The following RAP1A variants were observed in gnomAD, a reference collection of about 807,000 sequenced individuals.
RAP1A encodes the protein RAP1A, member of RAS oncogene family.
A neutral mutation model predicts 26.4 loss-of-function variants in RAP1A; 6 were observed. The ratio of observed to expected loss-of-function variants is 0.23; its 90% CI spans 0.12 to 0.45. RAP1A has a LOEUF of 0.45. RAP1A is among the 20% of genes least tolerant of loss of function. The pLI is 0.99. For synonymous variants in RAP1A, 73 were observed against 79.4 expected (o/e 0.92, Z 0.43); for missense variants, 121 against 217.2 (o/e 0.56, Z 2.78).
intron 4 of RAP1A, among the ~76,000 whole-genome samples, chr1:111,700,454 C>T (rs760390782): frequency 1.1e-4 from 16 of 152,046 alleles, no homozygotes; most frequent in Admixed American, 7.2e-4. Context: ...CCAGATCTCA[C>T]GAGAACTCAT....
At chr1:111,576,043 C>T (rs1341922283) in intron 1 of RAP1A, among the ~76,000 whole-genome samples, 1 of 152,228 alleles carries the variant, frequency 6.6e-6, no homozygotes, top group Non-Finnish European at 1.5e-5. Context: ...GCCCTGCATA[C>T]TATTCTCTGC....
Position 111,584,906 on chromosome 1 carries a change from C to T in RAP1A, c.-28+42397C>T, listed in dbSNP as rs546383754. ...ACTGCTTGCCATAAAAATCTCACTA[C>T]AAGAGTCTGCAGCTTTCCACTGCAA... On this transcript the variant is annotated intron_variant, in intron 1 of 7. Coordinates refer to the RAP1A transcript ENST00000356415. 8.5e-5 allele frequency among the ~76,000 whole-genome samples: 13 copies of T among 152,328 alleles called. No homozygotes were observed. The South Asian group carries it at 1.9e-3, about 22-fold the overall frequency.
chr1:111,685,318 T>A lies in RAP1A; in HGVS notation c.-27-6016T>A, dbSNP rs543401614. On this transcript the variant is annotated intron_variant, in intron 1 of 7. Transcript: ENST00000369709. Reference sequence around the variant, plus strand: ...AGAGCTTCTGCACAGCAAAAGAAACTATCAGCAGAGCGAACAGGCAACCTA... The same window carrying A: ...AGAGCTTCTGCACAGCAAAAGAAACAATCAGCAGAGCGAACAGGCAACCTA... 1.1e-4 allele frequency among the ~76,000 whole-genome samples: 17 copies of A among 152,048 alleles called. No homozygotes were observed. In the South Asian group the frequency reaches 3.3e-3, roughly 30 times the overall value.
intron 1 of RAP1A, among the ~76,000 whole-genome samples, chr1:111,543,911 G>A (rs930449747): frequency 6.6e-6 from 1 of 152,118 alleles, no homozygotes; most frequent in African/African-American, 2.4e-5. Flanking sequence ...AGGCAAAGAT[G>A]GGGCTCTCTT....
intron 1 of RAP1A, among the ~76,000 whole-genome samples, chr1:111,675,255 G>A (rs911077886): frequency 1.3e-5 from 2 of 152,128 alleles, no homozygotes; most frequent in African/African-American, 4.8e-5. Flanking sequence ...GCCGAGGCGG[G>A]TGGATCATGA....
intron 1 of RAP1A, among the ~76,000 whole-genome samples, chr1:111,646,897 T>C (rs564337368): frequency 6.6e-6 from 1 of 152,326 alleles, no homozygotes; most frequent in South Asian, 2.1e-4. Context: ...ATGCTTGGCT[T>C]TTTCCAAGTT....
At chr1:111,552,790 G>C (rs1363269835) in intron 1 of RAP1A, among the ~76,000 whole-genome samples, 1 of 152,126 alleles carries the variant, frequency 6.6e-6, no homozygotes, top group African/African-American at 2.4e-5. Context: ...TTATGCCTCA[G>C]TTTTAACATC....
At chr1:111,670,360 G>C (rs983310438) in intron 1 of RAP1A, among the ~76,000 whole-genome samples, 3 of 152,056 alleles carry the variant, frequency 2.0e-5, no homozygotes, top group Non-Finnish European at 4.4e-5. Flanking sequence ...TGTAGTCCCA[G>C]CTACTCTGGA....
chr1:111,699,051 A>G (rs1412542297), intron 4 of RAP1A, among the ~76,000 whole-genome samples: 1 of 152,060 alleles, frequency 6.6e-6, no homozygotes, highest in South Asian at 2.1e-4. Flanking sequence ...GTGCTATCCA[A>G]TATCGTGTCT....
chr1:111,704,710 C>CT (rs1007369453), intron 6 of RAP1A, among the ~76,000 whole-genome samples: 5 of 152,040 alleles, frequency 3.3e-5, no homozygotes, highest in African/African-American at 9.7e-5. Flanking sequence ...AAAGAGGAAG[C>CT]TAAAATTGAA....
chr1:111,612,849 C>T (rs1043368157), intron 1 of RAP1A, among the ~76,000 whole-genome samples: 1 of 152,138 alleles, frequency 6.6e-6, no homozygotes, highest in Non-Finnish European at 1.5e-5. Flanking sequence ...TTTATTATAA[C>T]ATAAAAATAA....
At chr1:111,652,890 A>T (rs1660319043) in intron 1 of RAP1A, among the ~76,000 whole-genome samples, 1 of 152,182 alleles carries the variant, frequency 6.6e-6, no homozygotes, top group Admixed American at 6.5e-5. Context: ...AAAAATATAG[A>T]GTTATCTTAC....
chr1:111,655,357 G>A (rs190667027), intron 1 of RAP1A, among the ~76,000 whole-genome samples: 2 of 151,600 alleles, frequency 1.3e-5, no homozygotes, highest in East Asian at 1.9e-4. Flanking sequence ...AAAAAAAGTG[G>A]CTATTCTTAA....
At chr1:111,549,305 T>G (rs1657159929) in intron 1 of RAP1A, among the ~76,000 whole-genome samples, 1 of 149,366 alleles carries the variant, frequency 6.7e-6, no homozygotes, top group South Asian at 2.1e-4. Flanking sequence ...CATCCAGTCA[T>G]GGGCTTTTTT....
intron 1 of RAP1A, among the ~76,000 whole-genome samples, chr1:111,658,416 TA>T (rs533468342): frequency 2.6e-5 from 4 of 152,192 alleles, no homozygotes; most frequent in Non-Finnish European, 5.9e-5. Context: ...TTTTACTTTA[TA>T]AACTTTTTGA....
chr1:111,599,459 C>T (rs1185774642), intron 1 of RAP1A, among the ~76,000 whole-genome samples: 1 of 152,178 alleles, frequency 6.6e-6, no homozygotes, highest in Non-Finnish European at 1.5e-5. Context: ...CCTGCCTCAG[C>T]CTCCCAAAGT....
intron 4 of RAP1A, among the ~76,000 whole-genome samples, chr1:111,700,591 AAAC>A (rs1313661757): frequency 6.6e-6 from 1 of 152,158 alleles, no homozygotes; most frequent in Non-Finnish European, 1.5e-5. Flanking sequence ...ACAAACATCC[AAAC>A]AATATCCCTA....
chr1:111,604,154 C>T (rs1432148885), intron 1 of RAP1A, among the ~76,000 whole-genome samples: 2 of 152,160 alleles, frequency 1.3e-5, no homozygotes, highest in Non-Finnish European at 2.9e-5. Flanking sequence ...GCGGTGGTGA[C>T]TCTACCAGCA....
At chr1:111,621,544 T>C (rs1337736535) in intron 1 of RAP1A, among the ~76,000 whole-genome samples, 1 of 152,220 alleles carries the variant, frequency 6.6e-6, no homozygotes, top group Admixed American at 6.5e-5. Flanking sequence ...GTTAAGTATT[T>C]GTTGAATGAA....
Sources: allele counts gnomAD v4.1 joint callset (sites outside exome capture counted in the v4.1 genomes callset), GRCh38; gene constraint gnomAD v4.1.1; transcripts MANE v1.5; gene names NCBI Gene and HGNC (gene_info 2026-07-23, HGNC 2026-07-21).